Variants in HAPLN2 observed in about 807,000 individuals in gnomAD.
HAPLN2 encodes brain link protein-1.
HAPLN2 carries 27 observed loss-of-function variants against 29.3 expected under a neutral mutation model. That is an observed-to-expected ratio of 0.92 (90% confidence interval 0.68 to 1.27). The LOEUF (loss-of-function observed/expected upper bound fraction) is 1.27, where lower values mean the gene tolerates loss of function less well. Among genes scored for constraint, HAPLN2 ranks in the 50% most tolerant of loss-of-function variants. The pLI, the probability that HAPLN2 is intolerant of heterozygous loss-of-function variation, is 0.00. For missense variants in HAPLN2, 454 were observed against 484.3 expected (o/e 0.94, Z 0.59); for synonymous variants, 208 against 211.7 (o/e 0.98, Z 0.15).
the HAPLN2 span, among the ~76,000 whole-genome samples, chr1:156,603,434 C>T: frequency 6.6e-6 from 1 of 151,206 alleles, no homozygotes; most frequent in Admixed American, 6.6e-5. Context: ...ACCTCTCCAT[C>T]TCTTCTACCC....
chr1:156,620,709 G>T (rs575504011), intron 2 of HAPLN2, among the ~76,000 whole-genome samples: 1 of 152,108 alleles, frequency 6.6e-6, no homozygotes, highest in South Asian at 2.1e-4. Flanking sequence ...TAGATTTCTG[G>T]CAACTTCTCA....
At chr1:156,615,925 G>A (rs1032791140), upstream of HAPLN2, among the ~76,000 whole-genome samples, 14 of 148,622 alleles carry the variant, frequency 9.4e-5, 1 homozygote, top group Non-Finnish European at 1.5e-5. Context: ...AAAATTTTTA[G>A]AGATCCCATC....
chr1:156,613,840 C>A, the HAPLN2 span, among the ~76,000 whole-genome samples: 12 of 150,230 alleles, frequency 8.0e-5, no homozygotes, highest in East Asian at 5.9e-4. Flanking sequence ...TCACTTGATC[C>A]CAGGAAGCAG....
chr1:156,621,360 CT>C (rs1342471944), intron 2 of HAPLN2, among the ~76,000 whole-genome samples: 3 of 151,930 alleles, frequency 2.0e-5, no homozygotes, highest in Non-Finnish European at 4.4e-5. Context: ...CCGCCTCAGC[CT>C]TCCAGTGTTG....
the HAPLN2 span, among the ~76,000 whole-genome samples, chr1:156,614,033 C>A: frequency 6.6e-6 from 1 of 151,930 alleles, no homozygotes; most frequent in African/African-American, 2.4e-5. Context: ...TATTCTTTCA[C>A]AGCAAAGAAG....
chr1:156,619,855 T>C (rs1200504371), intron 1 of HAPLN2, 163 bp from the exon 2 acceptor site: 1 of 152,358 alleles, frequency 6.6e-6, no homozygotes, highest in Non-Finnish European at 1.5e-5. Context: ...GGTCCCGGAA[T>C]AGTGATTTCC....
At chr1:156,609,377 C>G in the HAPLN2 span, among the ~76,000 whole-genome samples, 3,691 of 152,234 alleles carry the variant, frequency 0.024, 162 homozygotes, top group African/African-American at 0.084. Context: ...ATTGCAAAGA[C>G]AACAAAAGAT....
At chr1:156,604,600 T>A in the HAPLN2 span, among the ~76,000 whole-genome samples, 1 of 152,206 alleles carries the variant, frequency 6.6e-6, no homozygotes, top group African/African-American at 2.4e-5. Flanking sequence ...GAATTCTTAA[T>A]AGCTTGGGTA....
rs1400066600 is a variant in HAPLN2, at chr1:156,625,581, G to C, written c.*197G>C. 1.8e-6 allele frequency: 1 copy of C among 547,900 alleles called. No homozygotes were observed. Among genetic ancestry groups the C allele is most frequent in the East Asian group, 3.4e-5 (1 of 29,736 alleles). 33.9% of individuals were successfully genotyped at this position (547,900 alleles called of 1,614,324 possible). On this transcript the variant is annotated 3_prime_UTR_variant, in exon 7 of 7. Coordinates refer to ENST00000255039, the MANE Select transcript of HAPLN2 (RefSeq NM_021817.3). This position sits in a 1 kb window ranked among gnomAD's most constrained non-coding sequence, Gnocchi z 5.7. ...GGGGAGGGGAGGCGGGGGCGCCTCC[G>C]GCGGCGAGATGCAGAGGTGACCCTC...
rs773410470 is a variant in HAPLN2, at chr1:156,623,508, CCTCCCCACA to C, written c.22_30del (p.Pro8_Leu10del). 31 of 1,614,100 alleles carry C rather than the reference CCTCCCCACA, an allele frequency of 1.9e-5. No homozygotes were observed. The highest frequency in any genetic ancestry group is 2.5e-5 in the Non-Finnish European group (29 of 1,180,000). ...CCCCCATCATGCCAGGCTGGCTCAC[CCTCCCCACA>C]CTCTGCCGCTTCCTTCTTTGGGCCT... On this transcript the variant is annotated inframe_deletion, in exon 3 of 7. Transcript: ENST00000255039.
At chr1:156,606,423 T>TAAAAA in the HAPLN2 span, among the ~76,000 whole-genome samples, 2 of 49,482 alleles carry the variant, frequency 4.0e-5, no homozygotes, top group African/African-American at 7.3e-5. Flanking sequence ...AGACTCTGTC[T>TAAAAA]AAAAAAAAAA....
chr1:156,610,680 G>A, the HAPLN2 span, among the ~76,000 whole-genome samples: 2 of 151,634 alleles, frequency 1.3e-5, no homozygotes, highest in Non-Finnish European at 1.5e-5. Flanking sequence ...AGTAGGAAAC[G>A]GTTTGTATAT....
the HAPLN2 span, among the ~76,000 whole-genome samples, chr1:156,603,803 G>A: frequency 1.3e-5 from 2 of 152,162 alleles, no homozygotes; most frequent in Admixed American, 1.3e-4. Flanking sequence ...TCCATCTCTT[G>A]TCCTGTTAGG....
the HAPLN2 span, among the ~76,000 whole-genome samples, chr1:156,603,696 G>A: frequency 2.0e-5 from 3 of 151,994 alleles, no homozygotes; most frequent in African/African-American, 7.3e-5. Context: ...TCCTAGTCTG[G>A]CCTAAGTCTT....
the HAPLN2 span, among the ~76,000 whole-genome samples, chr1:156,608,822 A>G: frequency 1.9e-3 from 293 of 152,212 alleles, 1 homozygote; most frequent in South Asian, 5.4e-3. Flanking sequence ...CTGCGCTTCT[A>G]GAGTTCTCCT....
intron 1 of HAPLN2, among the ~76,000 whole-genome samples, chr1:156,619,805 TG>T (rs1678162752): frequency 6.6e-6 from 1 of 152,270 alleles, no homozygotes; most frequent in East Asian, 1.9e-4. Flanking sequence ...CTCCCCTTCA[TG>T]GGTTCCCAGC....
chr1:156,604,355 C>G, the HAPLN2 span, among the ~76,000 whole-genome samples: 1 of 150,140 alleles, frequency 6.7e-6, no homozygotes, highest in Non-Finnish European at 1.5e-5. Context: ...TGCAGTGGCA[C>G]GATCTTGGTT....
At chr1:156,602,237 GC>G in the HAPLN2 span, among the ~76,000 whole-genome samples, 3 of 152,106 alleles carry the variant, frequency 2.0e-5, 1 homozygote, top group South Asian at 6.2e-4. Flanking sequence ...ACCGTGACCG[GC>G]CTCATCAAAC....
At chr1:156,624,909 G>GGCCCCCCCCCCCCCCCCCCC in intron 6 of HAPLN2, 126 bp downstream of exon 6, 9 of 999,492 alleles carry the variant, frequency 9.0e-6, no homozygotes, top group South Asian at 5.5e-5. Context: ...CCCCCCATCA[G>GGCCCCCCCCCCCCCCCCCCC]CCCGCCCGCC....
Sources: allele counts gnomAD v4.1 joint callset (sites outside exome capture counted in the v4.1 genomes callset), GRCh38; gene constraint gnomAD v4.1.1; non-coding constraint Gnocchi (gnomAD v3.1); transcripts MANE v1.5; gene names NCBI Gene and HGNC (gene_info 2026-07-23, HGNC 2026-07-21).